The following MCTP1 variants were observed in gnomAD, a reference collection of about 807,000 sequenced individuals.
MCTP1 encodes the protein multiple C2 and transmembrane domain containing 1.
A neutral mutation model predicts 120.6 loss-of-function variants in MCTP1; 69 were observed. The observed-to-expected ratio is 0.57, with a 90% CI of 0.47 to 0.70. The LOEUF is 0.70. Ranked by LOEUF, MCTP1 falls within the 30% of genes least tolerant of loss-of-function variation. MCTP1 has a pLI of 0.00. For synonymous variants in MCTP1, 529 were observed against 493.1 expected (o/e 1.07, Z -0.96); for missense variants, 1,203 against 1,248.8 (o/e 0.96, Z 0.55).
chr5:94,955,332 T>C (rs1822291973), intron 2 of MCTP1, among the ~76,000 whole-genome samples: 1 of 152,194 alleles, frequency 6.6e-6, no homozygotes, highest in Admixed American at 6.5e-5. Context: ...AGCACAAAAC[T>C]GGGCAGTCAT....
At chr5:95,036,501 A>C (rs986585207) in intron 1 of MCTP1, among the ~76,000 whole-genome samples, 1 of 152,158 alleles carries the variant, frequency 6.6e-6, no homozygotes, top group East Asian at 1.9e-4. Context: ...ACATAGCTCT[A>C]CTTCTCTTGG....
At chr5:94,908,105 AT>A (rs975376121) in intron 10 of MCTP1, among the ~76,000 whole-genome samples, 3 of 152,110 alleles carry the variant, frequency 2.0e-5, no homozygotes, top group Non-Finnish European at 2.9e-5. Context: ...AATGAAATGC[AT>A]TTAATGTATT....
chr5:95,180,103 C>A (rs961550969), intron 1 of MCTP1, among the ~76,000 whole-genome samples: 6 of 152,106 alleles, frequency 3.9e-5, no homozygotes, highest in African/African-American at 1.4e-4. Context: ...TATCACAATC[C>A]TAAATATACA....
chr5:95,098,052 T>C (rs1756406847), intron 1 of MCTP1, among the ~76,000 whole-genome samples: 1 of 152,230 alleles, frequency 6.6e-6, no homozygotes, highest in South Asian at 2.1e-4. Context: ...TGATTTCTGA[T>C]CTTTCAACGT....
intron 6 of MCTP1, among the ~76,000 whole-genome samples, chr5:94,928,957 A>G (rs142826409): frequency 7.9e-5 from 12 of 152,278 alleles, no homozygotes; most frequent in African/African-American, 2.2e-4. Context: ...TGAGTGCCAC[A>G]AGTAATAAGA....
chr5:95,175,368 C>T lies in MCTP1; in HGVS notation c.720+108488G>A, dbSNP rs74390133. ...AGGAAATGGCACAAGAAGCTTGAAA[C>T]CAAACTCGTGTTCCTGGACTCAGTT... On this transcript the variant is annotated intron_variant, in intron 1 of 22. Coordinates refer to ENST00000515393, the MANE Select transcript of MCTP1 (RefSeq NM_024717.7). Among the ~76,000 whole-genome samples, 1,119 of 152,300 alleles carry T rather than the reference C, an allele frequency of 7.3e-3. 5 individuals are homozygous for T. Among genetic ancestry groups the T allele is most frequent in the Non-Finnish European group, 0.012 (818 of 68,024 alleles).
chr5:94,900,768 G>T (rs750850457), intron 10 of MCTP1, among the ~76,000 whole-genome samples: 34 of 152,262 alleles, frequency 2.2e-4, no homozygotes, highest in Non-Finnish European at 4.0e-4. Context: ...TTAGTATTGT[G>T]ATATTAAGAA....
intron 17 of MCTP1, among the ~76,000 whole-genome samples, chr5:94,853,794 A>T (rs1362679708): frequency 6.6e-6 from 1 of 151,926 alleles, no homozygotes; most frequent in Non-Finnish European, 1.5e-5. Flanking sequence ...TAAGGAAATG[A>T]GAAATACTCT....
chr5:95,273,479 A>G (rs1163805289), intron 1 of MCTP1, among the ~76,000 whole-genome samples: 1 of 152,190 alleles, frequency 6.6e-6, no homozygotes, highest in Non-Finnish European at 1.5e-5. Context: ...TTCTCCAAAT[A>G]TGTAGCCACC....
chr5:95,002,152 T>C (rs559656925), intron 2 of MCTP1, among the ~76,000 whole-genome samples: 26 of 152,176 alleles, frequency 1.7e-4, no homozygotes, highest in Non-Finnish European at 3.2e-4. Context: ...TTTGAGAACC[T>C]CCACCTAGAT....
chr5:95,042,353 G>A (rs906704982), intron 1 of MCTP1, among the ~76,000 whole-genome samples: 1 of 152,142 alleles, frequency 6.6e-6, no homozygotes, highest in Non-Finnish European at 1.5e-5. Context: ...GAAACCATCA[G>A]GACTGAGCAA....
chr5:95,166,802 T>C (rs1021535107), intron 1 of MCTP1, among the ~76,000 whole-genome samples: 1 of 151,846 alleles, frequency 6.6e-6, no homozygotes, highest in Non-Finnish European at 1.5e-5. Context: ...CTCCTGACCT[T>C]GTGATCCGCC....
At chr5:95,248,662 A>T (rs1562276113) in intron 1 of MCTP1, among the ~76,000 whole-genome samples, 1 of 152,240 alleles carries the variant, frequency 6.6e-6, no homozygotes. Flanking sequence ...AGAATTGGAA[A>T]AAACTACTTT....
In MCTP1 at chr5:94,771,016, G is replaced by T. The variant is rs535814492; in HGVS notation, c.2610+8094C>A. 1.8e-4 allele frequency among the ~76,000 whole-genome samples: 28 copies of T among 152,266 alleles called. No individual in the cohort carries two copies. In the South Asian group the frequency reaches 5.8e-3, roughly 32 times the overall value. On this transcript the variant is annotated intron_variant, in intron 19 of 22. Transcript: ENST00000515393. Reference sequence around the variant, plus strand: ...GGATATCAAAGATAACAAGCCCATTGCTGCCTCAAAACTACTCCATAATAT... The same window carrying T: ...GGATATCAAAGATAACAAGCCCATTTCTGCCTCAAAACTACTCCATAATAT...
intron 17 of MCTP1, among the ~76,000 whole-genome samples, chr5:94,827,043 G>C (rs1417245262): frequency 6.6e-6 from 1 of 151,986 alleles, no homozygotes; most frequent in African/African-American, 2.4e-5. Flanking sequence ...CCCATTAGCT[G>C]ATACAGTTTC....
chr5:94,834,320 T>C (rs1267898759), intron 17 of MCTP1, among the ~76,000 whole-genome samples: 2 of 152,190 alleles, frequency 1.3e-5, no homozygotes, highest in Non-Finnish European at 2.9e-5. Flanking sequence ...AAAAAAGATA[T>C]TCAACATTAC....
At chr5:95,259,867 T>G (rs1758305321) in intron 1 of MCTP1, among the ~76,000 whole-genome samples, 1 of 152,216 alleles carries the variant, frequency 6.6e-6, no homozygotes, top group Admixed American at 6.5e-5. Flanking sequence ...ATAGTAGCAT[T>G]GGACTTATGT....
chr5:95,038,888 G>A (rs948094443), intron 1 of MCTP1, among the ~76,000 whole-genome samples: 1 of 152,144 alleles, frequency 6.6e-6, no homozygotes, highest in Non-Finnish European at 1.5e-5. Context: ...ACTGCCTCAA[G>A]CAAATAACTT....
At chr5:95,225,404 C>G (rs1490654006) in intron 1 of MCTP1, among the ~76,000 whole-genome samples, 1 of 152,156 alleles carries the variant, frequency 6.6e-6, no homozygotes. Flanking sequence ...CAACTCCAGA[C>G]AGTAATGGCT....
Sources: allele counts gnomAD v4.1 joint callset (sites outside exome capture counted in the v4.1 genomes callset), GRCh38; gene constraint gnomAD v4.1.1; transcripts MANE v1.5; gene names NCBI Gene and HGNC (gene_info 2026-07-23, HGNC 2026-07-21).